CHST9: variants seen among roughly 807,000 people sequenced by gnomAD.
CHST9 encodes the protein GalNAc-4-sulfotransferase 2.
Under a neutral mutation model 44.4 loss-of-function variants are expected in CHST9, and 41 were observed. The ratio of observed to expected loss-of-function variants is 0.92; its 90% CI spans 0.72 to 1.20. The LOEUF (loss-of-function observed/expected upper bound fraction) is 1.20. Among genes scored for constraint, CHST9 ranks in the 50% most tolerant of loss-of-function variants. CHST9 has a pLI of 0.00. For synonymous variants in CHST9, 171 were observed against 178.4 expected, an observed-to-expected ratio of 0.96 and a Z score of 0.33; for missense variants, 504 against 516.5, an observed-to-expected ratio of 0.98 and a Z score of 0.23.
chr18:27,166,383 A>T (rs921624701), intron 1 of CHST9, among the ~76,000 whole-genome samples: 1 of 152,120 alleles, frequency 6.6e-6, no homozygotes, highest in Non-Finnish European at 1.5e-5. Context: ...CAGCAAAACT[A>T]AACTATTTAA....
chr18:26,987,660 C>T (rs1459368332), intron 4 of CHST9, among the ~76,000 whole-genome samples: 2 of 152,148 alleles, frequency 1.3e-5, no homozygotes, highest in East Asian at 3.9e-4. Context: ...TGTGTCCCCC[C>T]ATCTCCTGCA....
intron 2 of CHST9, among the ~76,000 whole-genome samples, chr18:27,070,787 T>C (rs1188310648): frequency 6.6e-6 from 1 of 152,230 alleles, no homozygotes; most frequent in African/African-American, 2.4e-5. Context: ...TGCTGGTTTG[T>C]TCTCAGGTTT....
chr18:27,156,718 TA>T (rs2058700922), intron 1 of CHST9, among the ~76,000 whole-genome samples: 1 of 152,076 alleles, frequency 6.6e-6, no homozygotes, highest in African/African-American at 2.4e-5. Flanking sequence ...TTCGTATGAG[TA>T]AAAAGTAGTT....
chr18:27,040,039 ATATC>A (rs1555678815), intron 3 of CHST9, among the ~76,000 whole-genome samples: 5 of 152,170 alleles, frequency 3.3e-5, no homozygotes, highest in Non-Finnish European at 4.4e-5. Context: ...GGAAAGGACT[ATATC>A]TGACTGACAA....
At chr18:26,926,569 CTT>C (rs1382186514) in intron 5 of CHST9, among the ~76,000 whole-genome samples, 3 of 152,160 alleles carry the variant, frequency 2.0e-5, no homozygotes, top group Non-Finnish European at 2.9e-5. Flanking sequence ...TGAGATGACT[CTT>C]TTGTTTGCAA....
intron 2 of CHST9, among the ~76,000 whole-genome samples, chr18:27,095,645 A>G (rs112589311): frequency 2.0e-3 from 306 of 152,286 alleles, no homozygotes; most frequent in African/African-American, 6.9e-3. Context: ...CTATTCTTAT[A>G]TTAGATAAAA....
intron 2 of CHST9, among the ~76,000 whole-genome samples, chr18:27,060,040 GTC>G (rs1426020962): frequency 6.6e-6 from 1 of 152,206 alleles, no homozygotes; most frequent in African/African-American, 2.4e-5. Flanking sequence ...ATTGTTAATT[GTC>G]TAGTTCATTT....
At chr18:27,069,696 TA>T (rs777491678) in intron 2 of CHST9, among the ~76,000 whole-genome samples, 3 of 152,346 alleles carry the variant, frequency 2.0e-5, no homozygotes, top group Non-Finnish European at 4.4e-5. Context: ...AAATTCCTGC[TA>T]TATTAATTCA....
chr18:26,999,127 A>G (rs1598626655), intron 4 of CHST9, among the ~76,000 whole-genome samples: 1 of 152,220 alleles, frequency 6.6e-6, no homozygotes, highest in Non-Finnish European at 1.5e-5. Flanking sequence ...AAGAAAAGCA[A>G]TAACAGATCA....
chr18:27,154,116 A>G (rs1439926432), intron 1 of CHST9, among the ~76,000 whole-genome samples: 1 of 152,178 alleles, frequency 6.6e-6, no homozygotes, highest in Non-Finnish European at 1.5e-5. Flanking sequence ...CAATTTTATT[A>G]TGAGGCAATT....
At chr18:27,042,336 C>G (rs2057454865) in intron 3 of CHST9, among the ~76,000 whole-genome samples, 1 of 152,032 alleles carries the variant, frequency 6.6e-6, no homozygotes, top group African/African-American at 2.4e-5. Flanking sequence ...TCACACAGAC[C>G]TAGATCCAGG....
intron 4 of CHST9, among the ~76,000 whole-genome samples, chr18:26,947,707 C>T (rs1404795985): frequency 6.6e-6 from 1 of 152,188 alleles, no homozygotes; most frequent in East Asian, 1.9e-4. Flanking sequence ...GATAACATCT[C>T]ACACCAGTTA....
intron 2 of CHST9, among the ~76,000 whole-genome samples, chr18:27,139,641 T>C (rs2058548459): frequency 6.6e-6 from 1 of 152,148 alleles, no homozygotes; most frequent in Non-Finnish European, 1.5e-5. Flanking sequence ...AGAGAAATAG[T>C]TATCTACAGG....
At chr18:26,952,624 G>A in intron 4 of CHST9, 1 of 293,510 alleles carries the variant, frequency 3.4e-6, no homozygotes, top group Non-Finnish European at 6.6e-6. Context: ...CTCTGGGTAA[G>A]TTACTAGTCC....
chr18:26,960,017 T>C (rs559836141), intron 4 of CHST9, among the ~76,000 whole-genome samples: 1 of 152,290 alleles, frequency 6.6e-6, no homozygotes, highest in Admixed American at 6.5e-5. Flanking sequence ...TGGGAGAAGA[T>C]GCTATTAATG....
chr18:26,952,243 C>T (rs2056258525), intron 4 of CHST9: 1 of 527,236 alleles, frequency 1.9e-6, no homozygotes, highest in Non-Finnish European at 3.8e-6. Flanking sequence ...CTTCTGGCAT[C>T]ATCTGCTGGC....
intron 5 of CHST9, among the ~76,000 whole-genome samples, chr18:26,940,223 G>GAA (rs33920690): frequency 0.15 from 22,640 of 150,826 alleles, 1,887 homozygotes; most frequent in East Asian, 0.23. Context: ...ATGAGACTCA[G>GAA]AAAAAAAAAC....
intron 4 of CHST9, among the ~76,000 whole-genome samples, chr18:26,968,953 T>C (rs1486709028): frequency 3.3e-5 from 5 of 152,232 alleles, no homozygotes; most frequent in Admixed American, 6.5e-5. Context: ...CAAGTCTATC[T>C]ACACTCACTC....
intron 1 of CHST9, among the ~76,000 whole-genome samples, chr18:27,169,598 C>CTTTTTTTTTTTTTTTTTT (rs1156859087): frequency 1.2e-5 from 1 of 82,160 alleles, no homozygotes; most frequent in African/African-American, 5.0e-5. Context: ...ATATATTCTT[C>CTTTTTTTTTTTTTTTTTT]TTTTTTTTTT....
Sources: allele counts gnomAD v4.1 joint callset (sites outside exome capture counted in the v4.1 genomes callset), GRCh38; gene constraint gnomAD v4.1.1; transcripts MANE v1.5; gene names NCBI Gene and HGNC (gene_info 2026-07-23, HGNC 2026-07-21).